PTPRE: variants seen among roughly 807,000 people sequenced by gnomAD.
The protein encoded by PTPRE is receptor-type tyrosine-protein phosphatase epsilon.
Under a neutral mutation model 102.0 loss-of-function variants are expected in PTPRE, and 51 were observed. The observed-to-expected ratio is 0.50, with a 90% CI of 0.40 to 0.63. PTPRE has a LOEUF of 0.63. Among genes scored for constraint, PTPRE ranks in the 30% least tolerant of loss-of-function variants. The pLI is 0.00. For missense variants in PTPRE, 752 were observed against 915.1 expected, an observed-to-expected ratio of 0.82 and a Z score of 2.30; for synonymous variants, 345 against 348.2, an observed-to-expected ratio of 0.99 and a Z score of 0.10.
chr10:127,988,253 G>A (rs919790377), intron 2 of PTPRE, among the ~76,000 whole-genome samples: 1 of 151,930 alleles, frequency 6.6e-6, no homozygotes, highest in African/African-American at 2.4e-5. Flanking sequence ...AACAGGAAAG[G>A]AGATCACATT....
chr10:128,081,830 T>C (rs1851731181), intron 20 of PTPRE, among the ~76,000 whole-genome samples: 1 of 152,186 alleles, frequency 6.6e-6, no homozygotes, highest in African/African-American at 2.4e-5. Flanking sequence ...CTCAGCTCCT[T>C]CCCATCCTGG....
intron 3 of PTPRE, among the ~76,000 whole-genome samples, chr10:128,042,327 G>A (rs934735922): frequency 6.6e-6 from 1 of 152,182 alleles, no homozygotes; most frequent in Non-Finnish European, 1.5e-5. Flanking sequence ...GGCACTGTGG[G>A]CACCGGCAGG....
At chr10:128,046,566 T>TG (rs1370682352) in intron 3 of PTPRE, among the ~76,000 whole-genome samples, 1 of 151,584 alleles carries the variant, frequency 6.6e-6, no homozygotes, top group Middle Eastern at 3.4e-3. Context: ...TTCTTGGAGG[T>TG]GGGGGCCTTT....
At chr10:128,055,618 G>C (rs1848890842) in intron 6 of PTPRE, among the ~76,000 whole-genome samples, 1 of 152,124 alleles carries the variant, frequency 6.6e-6, no homozygotes, top group South Asian at 2.1e-4. Flanking sequence ...AGCAAGATCA[G>C]GACTGTATCT....
intron 2 of PTPRE, among the ~76,000 whole-genome samples, chr10:128,024,417 G>T (rs1338588134): frequency 6.6e-6 from 1 of 152,194 alleles, no homozygotes; most frequent in Non-Finnish European, 1.5e-5. Context: ...CTTTCGAGAA[G>T]GTTCCTTGTG....
chr10:128,001,697 C>T (rs915731947), intron 2 of PTPRE, among the ~76,000 whole-genome samples: 3 of 152,144 alleles, frequency 2.0e-5, no homozygotes, highest in Admixed American at 1.3e-4. Context: ...GCTTTTCTGA[C>T]CTAGGGGTCT....
At chr10:128,029,223 C>T (rs751091563) in intron 2 of PTPRE, among the ~76,000 whole-genome samples, 28 of 152,192 alleles carry the variant, frequency 1.8e-4, no homozygotes, top group Admixed American at 1.2e-3. Context: ...CAAGAATCCT[C>T]TCAACTGGCT....
At chr10:127,981,549 G>A (rs1324244249) in intron 1 of PTPRE, among the ~76,000 whole-genome samples, 3 of 152,118 alleles carry the variant, frequency 2.0e-5, no homozygotes, top group African/African-American at 4.8e-5. Context: ...TGGGCATGGA[G>A]GCTCATGCCT....
At chr10:128,011,496 G>C (rs533217623) in intron 2 of PTPRE, among the ~76,000 whole-genome samples, 2 of 152,328 alleles carry the variant, frequency 1.3e-5, no homozygotes, top group South Asian at 2.1e-4. Context: ...CGTTCCTGTG[G>C]CTTACCCGAC....
chr10:128,000,457 C>A (rs889442352), intron 2 of PTPRE, among the ~76,000 whole-genome samples: 13 of 152,066 alleles, frequency 8.5e-5, no homozygotes, highest in African/African-American at 3.1e-4. Flanking sequence ...TCTCTAGCTG[C>A]GTTTCTTTTC....
At chr10:128,042,493 T>G (rs893471041) in intron 3 of PTPRE, among the ~76,000 whole-genome samples, 2 of 152,212 alleles carry the variant, frequency 1.3e-5, no homozygotes, top group African/African-American at 2.4e-5. Flanking sequence ...AACTCACACC[T>G]TGGTCCAGCC....
chr10:128,050,483 G>A (rs1335440503), intron 6 of PTPRE, among the ~76,000 whole-genome samples: 1 of 152,154 alleles, frequency 6.6e-6, no homozygotes, highest in Non-Finnish European at 1.5e-5. Flanking sequence ...ATGGATGGAT[G>A]GATGGATGGG....
chr10:127,969,689 C>CG (rs66461041), intron 1 of PTPRE, among the ~76,000 whole-genome samples: 60,169 of 135,586 alleles, frequency 0.44, 13,421 homozygotes, highest in South Asian at 0.57. Context: ...AAAAGGGGGG[C>CG]GGGGGGATGA....
At chr10:127,962,513 C>T (rs141379943) in intron 1 of PTPRE, among the ~76,000 whole-genome samples, 9 of 152,170 alleles carry the variant, frequency 5.9e-5, no homozygotes, top group Admixed American at 1.3e-4. Flanking sequence ...TGCATCTGAA[C>T]GGGGAGGGGT....
chr10:127,950,922 C>T (rs1346921700), intron 1 of PTPRE, among the ~76,000 whole-genome samples: 1 of 151,908 alleles, frequency 6.6e-6, no homozygotes, highest in Non-Finnish European at 1.5e-5. Flanking sequence ...CAGTGAAACC[C>T]CATCTCTACT....
chr10:127,980,013 C>T (rs1172491353), intron 1 of PTPRE, among the ~76,000 whole-genome samples: 1 of 152,206 alleles, frequency 6.6e-6, no homozygotes, highest in African/African-American at 2.4e-5. Flanking sequence ...ACGAGTCACT[C>T]TTTTTAGCAT....
At chr10:127,992,799 C>A (rs928958759) in intron 2 of PTPRE, among the ~76,000 whole-genome samples, 1 of 152,184 alleles carries the variant, frequency 6.6e-6, no homozygotes, top group African/African-American at 2.4e-5. Context: ...GCAACAAATC[C>A]AAATACCTCT....
At chr10:127,960,148 G>A (rs1027939855) in intron 1 of PTPRE, among the ~76,000 whole-genome samples, 1 of 152,148 alleles carries the variant, frequency 6.6e-6, no homozygotes, top group African/African-American at 2.4e-5. Flanking sequence ...GCTGGCATGC[G>A]GGTGCCCCAG....
intron 1 of PTPRE, among the ~76,000 whole-genome samples, chr10:127,965,740 G>A (rs1384871045): frequency 6.6e-6 from 1 of 152,168 alleles, no homozygotes; most frequent in African/African-American, 2.4e-5. Flanking sequence ...CTGAGCCTGT[G>A]AACCTCGTAT....
Sources: gnomAD v4.1 joint callset for allele counts (sites outside exome capture counted in the v4.1 genomes callset) on GRCh38, gnomAD v4.1.1 for gene constraint, MANE v1.5 for transcripts, NCBI Gene and HGNC (gene_info 2026-07-23, HGNC 2026-07-21) for gene names.